Variants in TBC1D22A observed in about 807,000 individuals in gnomAD.
TBC1D22A encodes putative GTPase activator.
In TBC1D22A, 38 loss-of-function variants were observed where a neutral mutation model predicts 60.2. The ratio of observed to expected loss-of-function variants is 0.63; its 90% CI spans 0.49 to 0.83. The LOEUF (loss-of-function observed/expected upper bound fraction) is 0.83. Ranked by LOEUF, TBC1D22A falls within the 40% of genes least tolerant of loss-of-function variation. TBC1D22A has a pLI of 0.00. For missense variants in TBC1D22A, 628 were observed against 701.0 expected (o/e 0.90, Z 1.18); for synonymous variants, 302 against 281.7 (o/e 1.07, Z -0.72).
chr22:46,968,920 C>T (rs1297548424), intron 8 of TBC1D22A, among the ~76,000 whole-genome samples: 17 of 152,172 alleles, frequency 1.1e-4, no homozygotes, highest in Non-Finnish European at 7.3e-5. Flanking sequence ...TTCATCCACC[C>T]GTCTACCCAT....
intron 8 of TBC1D22A, among the ~76,000 whole-genome samples, chr22:46,965,917 T>G (rs2073779306): frequency 6.6e-6 from 1 of 152,178 alleles, no homozygotes; most frequent in Non-Finnish European, 1.5e-5. Flanking sequence ...CCACCTCGTT[T>G]CCACAGCGCT....
At chr22:46,873,478 C>A (rs906883394) in intron 4 of TBC1D22A, among the ~76,000 whole-genome samples, 6 of 152,118 alleles carry the variant, frequency 3.9e-5, no homozygotes, top group African/African-American at 1.4e-4. Context: ...ACTTTAAAGA[C>A]CCTTATGGCA....
chr22:46,973,737 G>A (rs1035650398), intron 8 of TBC1D22A, among the ~76,000 whole-genome samples: 1 of 152,114 alleles, frequency 6.6e-6, no homozygotes, highest in Admixed American at 6.5e-5. Flanking sequence ...TTCTCATTCG[G>A]TTTTTTGTAC....
Position 46,847,056 on chromosome 22 carries a change from CG to C in TBC1D22A, c.638-31595del, listed in dbSNP as rs956660542. Reference sequence around the variant, plus strand: ...CTTGGAGGCCATCAGCCTTCCTTATCGGCTGTGCAACTAATGATCTTTGGTC... The same window carrying C: ...CTTGGAGGCCATCAGCCTTCCTTATCGCTGTGCAACTAATGATCTTTGGTC... On this transcript the variant is annotated intron_variant, in intron 4 of 12. Coordinates refer to ENST00000337137, the MANE Select transcript of TBC1D22A (RefSeq NM_014346.5). Among the ~76,000 whole-genome samples, 4 of 152,152 alleles carry C rather than the reference CG, an allele frequency of 2.6e-5. No homozygotes were observed. The East Asian group carries it at 7.7e-4, about 29-fold the overall frequency.
intron 11 of TBC1D22A, among the ~76,000 whole-genome samples, chr22:47,071,850 A>G (rs545305448): frequency 6.6e-6 from 1 of 152,114 alleles, no homozygotes; most frequent in Non-Finnish European, 1.5e-5. Context: ...GTGGAGAGAC[A>G]GTTTCTGATT....
chr22:46,777,077 G>T lies in TBC1D22A; in HGVS notation c.62+14229G>T, dbSNP rs562981955. Among the ~76,000 whole-genome samples, 1 of 152,250 alleles carries T rather than the reference G, an allele frequency of 6.6e-6. No homozygotes were observed. Among genetic ancestry groups the T allele is most frequent in the South Asian group, 2.1e-4 (1 of 4,818 alleles). On this transcript the variant is annotated intron_variant, in intron 1 of 12. Coordinates refer to ENST00000337137, the MANE Select transcript of TBC1D22A (RefSeq NM_014346.5). This position sits in a 1 kb window ranked among gnomAD's most constrained non-coding sequence, Gnocchi z 4.5. Reference sequence around the variant, plus strand: ...AGAGAGATGTGTGGGAGGTTTCCAAGGTGACCTAGAGGATGTGGAGACGTG... The same window carrying T: ...AGAGAGATGTGTGGGAGGTTTCCAATGTGACCTAGAGGATGTGGAGACGTG...
intron 12 of TBC1D22A, among the ~76,000 whole-genome samples, chr22:47,171,763 G>A (rs540317315): frequency 5.3e-5 from 8 of 152,270 alleles, no homozygotes; most frequent in East Asian, 1.9e-4. Flanking sequence ...GGGGTCCCCC[G>A]AGGACCTGTG....
intron 10 of TBC1D22A, among the ~76,000 whole-genome samples, chr22:47,013,082 A>G (rs193181805): frequency 2.6e-5 from 4 of 152,338 alleles, no homozygotes; most frequent in African/African-American, 9.6e-5. Flanking sequence ...GGAGCTGGAC[A>G]TAGCACTTGC....
intron 7 of TBC1D22A, among the ~76,000 whole-genome samples, chr22:46,898,987 C>T (rs2068835249): frequency 6.6e-6 from 1 of 152,160 alleles, no homozygotes; most frequent in Admixed American, 6.5e-5. Flanking sequence ...CTCCAGGTCC[C>T]AGTTCAGCAA....
chr22:46,958,388 T>C (rs2073322519), intron 8 of TBC1D22A, among the ~76,000 whole-genome samples: 2 of 152,136 alleles, frequency 1.3e-5, no homozygotes, highest in Non-Finnish European at 2.9e-5. Flanking sequence ...CTGTATCCTC[T>C]CTGCACCGTG....
chr22:47,159,008 C>T (rs2067834298), intron 12 of TBC1D22A, among the ~76,000 whole-genome samples: 1 of 140,870 alleles, frequency 7.1e-6, no homozygotes, highest in Admixed American at 6.9e-5. Context: ...CAGATAACAC[C>T]TCACCATATA....
chr22:46,764,848 G>C (rs2083230887), intron 1 of TBC1D22A, among the ~76,000 whole-genome samples: 1 of 152,226 alleles, frequency 6.6e-6, no homozygotes, highest in African/African-American at 2.4e-5. Flanking sequence ...TGCTCACCTA[G>C]AGACTTGACA....
chr22:47,048,332 G>A (rs1034757546), intron 11 of TBC1D22A, among the ~76,000 whole-genome samples: 6 of 152,204 alleles, frequency 3.9e-5, no homozygotes, highest in Non-Finnish European at 8.8e-5. Context: ...GGTAGGGAAA[G>A]GGTGGCATCC....
intron 7 of TBC1D22A, among the ~76,000 whole-genome samples, chr22:46,908,095 G>A (rs908992283): frequency 4.6e-5 from 7 of 152,228 alleles, no homozygotes; most frequent in African/African-American, 1.4e-4. Context: ...CACGGGGGCC[G>A]GATGGTGTGA....
chr22:46,933,908 G>A (rs1020601638), intron 8 of TBC1D22A, among the ~76,000 whole-genome samples: 9 of 152,240 alleles, frequency 5.9e-5, no homozygotes, highest in African/African-American at 1.9e-4. Flanking sequence ...GAGCCAGGCT[G>A]AGTTGAGGCT....
intron 2 of TBC1D22A, chr22:46,792,924 C>A: frequency 7.4e-7 from 1 of 1,347,836 alleles, no homozygotes; most frequent in Non-Finnish European, 9.8e-7. Flanking sequence ...CCACCAGCTG[C>A]TGGAGCCCGG....
intron 11 of TBC1D22A, among the ~76,000 whole-genome samples, chr22:47,082,309 G>A (rs2064501984): frequency 6.6e-6 from 1 of 152,078 alleles, no homozygotes; most frequent in Admixed American, 6.6e-5. Flanking sequence ...AAAATTTACA[G>A]AGTTTTTTAA....
rs58420089 is a variant in TBC1D22A, at chr22:47,120,468, T to A, written c.1425+8865T>A. ...GGATATTAACAAAATGCTTTTTAAG[T>A]TCATGGGCTCTTGAGAAGAGTAAGC... On this transcript the variant is annotated intron_variant, in intron 12 of 12. Coordinates refer to ENST00000337137, the MANE Select transcript of TBC1D22A (RefSeq NM_014346.5). 6.5e-3 allele frequency among the ~76,000 whole-genome samples: 992 copies of A among 152,294 alleles called. 7 individuals are homozygous for A. The highest frequency in any genetic ancestry group is 0.023 in the African/African-American group (956 of 41,560).
intron 8 of TBC1D22A, among the ~76,000 whole-genome samples, chr22:46,936,064 C>T (rs7286147): frequency 0.041 from 6,195 of 152,368 alleles, 187 homozygotes; most frequent in African/African-American, 0.084. Flanking sequence ...TAATGCCAGG[C>T]TCTGAGTGCC....
Sources: allele counts gnomAD v4.1 joint callset (sites outside exome capture counted in the v4.1 genomes callset), GRCh38; gene constraint gnomAD v4.1.1; non-coding constraint Gnocchi (gnomAD v3.1); transcripts MANE v1.5; gene names NCBI Gene and HGNC (gene_info 2026-07-23, HGNC 2026-07-21).